Variants in CFAP46 observed in about 807,000 individuals in gnomAD.
CFAP46 encodes the protein cilia- and flagella-associated protein 46.
CFAP46 carries 245 observed loss-of-function variants against 325.7 expected under a neutral mutation model. The observed-to-expected ratio is 0.75, with a 90% confidence interval of 0.68 to 0.84. The LOEUF (loss-of-function observed/expected upper bound fraction) is 0.84. Among genes scored for constraint, CFAP46 ranks in the 40% least tolerant of loss-of-function variants. CFAP46 has a pLI of 0.00. For synonymous variants in CFAP46, 1,523 were observed against 1,495.9 expected, an observed-to-expected ratio of 1.02 and a Z score of -0.42; for missense variants, 3,346 against 3,543.0, an observed-to-expected ratio of 0.94 and a Z score of 1.41.
Position 132,810,392 on chromosome 10 carries a change from G to T in CFAP46, c.7664+17C>A, listed in dbSNP as rs2134742275. 6.2e-7 allele frequency: 1 copy of T among 1,612,020 alleles called. No individual in the cohort carries two copies. The highest frequency in any genetic ancestry group is 1.1e-5 in the South Asian group (1 of 91,068). On this transcript the variant is annotated intron_variant, in intron 57 of 57. Transcript: ENST00000368586. ...AGGGTGCTGAAGGCCGCGGGGTGCAGGCCGCCCCTCCCTTACCTTGGTTCA... is the reference window on the plus strand; with the variant it reads ...AGGGTGCTGAAGGCCGCGGGGTGCATGCCGCCCCTCCCTTACCTTGGTTCA...
At chr10:132,938,487 T>C (rs1344013662) in intron 5 of CFAP46, 102 bp downstream of exon 5, 51 of 1,123,088 alleles carry the variant, frequency 4.5e-5, no homozygotes, top group Non-Finnish European at 5.4e-5. Context: ...TGTGCCCCAG[T>C]GATGTGGAAC....
Position 132,833,457 on chromosome 10 carries a change from G to A in CFAP46, c.7018C>T (p.Leu2340=). The A allele has an allele frequency of 6.2e-7, 1 of 1,614,180 alleles. No homozygotes were observed. The highest frequency in any genetic ancestry group is 8.5e-7 in the Non-Finnish European group (1 of 1,180,038). Residue 2340 remains leucine (L), a synonymous_variant, in exon 50 of 58, where the codon CTG becomes TTG. Coordinates refer to ENST00000368586, the MANE Select transcript of CFAP46 (RefSeq NM_001200049.3). The part of the protein sequence containing the change: ...VADRHLLELP[L]EGLSVFDEGT... ...TCATCGAACACAGAGAGACCTTCCA[G>A]TGGCAGCTCCAGGAGATGTCTGTCT...
In CFAP46 at chr10:132,832,055, G is replaced by T. The variant is rs1848155276; in HGVS notation, c.7117+1303C>A. ...TTCCCTCCCTCTCATCTTTTGTGCTGTCGTCATTCATTTCACATTTATGTT... is the reference window on the plus strand; with the variant it reads ...TTCCCTCCCTCTCATCTTTTGTGCTTTCGTCATTCATTTCACATTTATGTT... On this transcript the variant is annotated intron_variant, in intron 50 of 57. Transcript: ENST00000368586. The surrounding 1 kb of genome is among the most constrained non-coding windows in gnomAD (Gnocchi z 4.1). 6.6e-6 allele frequency among the ~76,000 whole-genome samples: 1 copy of T among 151,920 alleles called. No individual in the cohort carries two copies.
Position 132,942,048 on chromosome 10 carries a change from A to T in CFAP46, c.106T>A (p.Ser36Thr). Residue 36 changes from serine (S) to threonine (T), a missense_variant, in exon 2 of 58, where the codon TCG becomes ACG. Physicochemically the swap from Ser to Thr is moderately conservative, Grantham distance 58 (BLOSUM62 1). Transcript: ENST00000368586. ...ELIKSANLGK[S>T]EFDPSESFSP... ...AAGCTCTCTGAGGGGTCAAACTCCG[A>T]TTTCCCTAGGTTGGCCGATTTGATC... 1 of 1,551,672 alleles carries T rather than the reference A, an allele frequency of 6.4e-7. No homozygotes were observed. Among genetic ancestry groups the T allele is most frequent in the Non-Finnish European group, 8.7e-7 (1 of 1,146,966 alleles).
chr10:132,918,749 C>T (rs930332706), intron 15 of CFAP46, among the ~76,000 whole-genome samples: 7 of 152,134 alleles, frequency 4.6e-5, no homozygotes, highest in African/African-American at 2.4e-5. Flanking sequence ...CCAGGGCTTG[C>T]TCTTGGCCAC....
In CFAP46 at chr10:132,879,517, T is replaced by TGC; in HGVS notation, c.3912_3913dup (p.His1305ArgfsTer35). The TGC allele has an allele frequency of 1.9e-6, 3 of 1,547,354 alleles. No individual in the cohort carries two copies. The highest frequency in any genetic ancestry group is 2.6e-6 in the Non-Finnish European group (3 of 1,146,004). On this transcript the variant is annotated frameshift_variant, in exon 29 of 58. Coordinates refer to ENST00000368586, the MANE Select transcript of CFAP46 (RefSeq NM_001200049.3). LOFTEE classifies it high-confidence loss of function. Reference sequence around the variant, plus strand: ...CGACAGCACCAGGGCCAGCAGGATGTGCACGCGGGCCAGCGCCTCCAGCTG... The same window carrying TGC: ...CGACAGCACCAGGGCCAGCAGGATGTGCGCACGCGGGCCAGCGCCTCCAGCTG...
chr10:132,901,020 C>T (rs1054722632), intron 22 of CFAP46, among the ~76,000 whole-genome samples: 13 of 152,252 alleles, frequency 8.5e-5, no homozygotes, highest in African/African-American at 2.4e-4. Flanking sequence ...GTGCCTGGGC[C>T]GTTTAACCGG....
intron 38 of CFAP46, 93 bp from the exon 39 acceptor site, chr10:132,857,881 A>C: frequency 9.0e-7 from 1 of 1,109,536 alleles, no homozygotes. Context: ...ATATTTTATT[A>C]GTGCTTAAAA....
rs548689710 is a variant in CFAP46 at position 132,850,244 on chromosome 10, C to T, written c.5952G>A (p.Ser1984=). ...TTGGGATAGAAGCAGGAGCACCTAC[C>T]GAGGGGCCCGCCTCCCAGTAGCAGG... is the stretch of plus-strand genomic sequence containing the variant. ...HPTCYWEAGP[S]VGAKLSGLKS... The change falls in exon 41 of 58, where the codon TCG becomes TCA. Residue 1984 remains serine, a splice_region_variant and synonymous_variant. Transcript: ENST00000368586. The T allele has an allele frequency of 6.5e-5, 101 of 1,550,556 alleles. 1 individual carries two copies. The African/African-American group carries it at 8.8e-4, about 13-fold the overall frequency.
At chr10:132,892,450 T>C (rs1262783371) in intron 24 of CFAP46, 33 bp from the exon 25 acceptor site, 2 of 1,543,910 alleles carry the variant, frequency 1.3e-6, no homozygotes, top group Non-Finnish European at 8.8e-7. Flanking sequence ...CACGTATATT[T>C]GAAAGTTGCA....
At chr10:132,917,845 T>C (rs1229226217) in intron 16 of CFAP46, among the ~76,000 whole-genome samples, 1 of 152,092 alleles carries the variant, frequency 6.6e-6, no homozygotes, top group African/African-American at 2.4e-5. Flanking sequence ...AGCAACCCTC[T>C]GACGCTGTGG....
intron 10 of CFAP46, 21 bp downstream of exon 10, chr10:132,926,547 G>A: frequency 1.3e-6 from 2 of 1,498,224 alleles, no homozygotes; most frequent in Non-Finnish European, 9.0e-7. Flanking sequence ...CCAGGTGTAT[G>A]ACTCCTGCGT....
In CFAP46 at chr10:132,877,062, C is replaced by A; in HGVS notation, c.4213-101G>T. The A allele has an allele frequency of 8.0e-7, 1 of 1,251,574 alleles. No individual in the cohort carries two copies. The highest frequency in any genetic ancestry group is 2.5e-5 in the Admixed American group (1 of 39,444). The allele number at this position is 1,251,574 out of a possible 1,614,324, so 77.5% of individuals were successfully genotyped here. The stretch of plus-strand genomic sequence containing the variant: ...GCTGTGCAGCATTCAGGCCACAGCC[C>A]TGGGCAGCCGGCATCCTCCCCACCA... On this transcript the variant is annotated intron_variant, in intron 30 of 57. Coordinates refer to ENST00000368586, the MANE Select transcript of CFAP46 (RefSeq NM_001200049.3). This position sits in a 1 kb window ranked among gnomAD's most constrained non-coding sequence, Gnocchi z 5.7.
intron 34 of CFAP46, among the ~76,000 whole-genome samples, chr10:132,866,506 C>T (rs1241784898): frequency 6.6e-6 from 1 of 152,238 alleles, no homozygotes; most frequent in Non-Finnish European, 1.5e-5. Flanking sequence ...CCCCTTGCCC[C>T]ACCTCGTGGT....
At chr10:132,934,707 A>G (rs2135714363) in intron 8 of CFAP46, 45 bp downstream of exon 8, 1 of 1,286,788 alleles carries the variant, frequency 7.8e-7, no homozygotes, top group East Asian at 2.3e-5. Context: ...TAAATTTTGT[A>G]CAACGATTAT....
chr10:132,882,543 G>T (rs986477746), intron 27 of CFAP46, among the ~76,000 whole-genome samples: 2 of 151,956 alleles, frequency 1.3e-5, no homozygotes, highest in African/African-American at 4.8e-5. Context: ...TTGGTTTTGG[G>T]TAAGATGCTG....
Position 132,924,829 on chromosome 10 carries a change from C to A in CFAP46, c.1123G>T (p.Gly375Cys). The A allele has an allele frequency of 6.9e-7, 1 of 1,452,838 alleles. No individual in the cohort carries two copies. The highest frequency in any genetic ancestry group is 9.1e-7 in the Non-Finnish European group (1 of 1,097,174). 90.0% of individuals were successfully genotyped at this position (1,452,838 alleles called of 1,614,324 possible). A position where few individuals can be genotyped will look rare whatever the true frequency, so the allele number is the denominator to read the frequency against. Residue 375 changes from glycine to cysteine, a missense_variant, in exon 11 of 58, where the codon GGC becomes TGC. By Grantham distance (159) the Gly-to-Cys change is radical. Coordinates refer to ENST00000368586, the MANE Select transcript of CFAP46 (RefSeq NM_001200049.3). Reference protein sequence around the residue: ...DVALQRAVRLGDPRVIHVVCA... With the variant: ...DVALQRAVRLCDPRVIHVVCA... Reference sequence around the variant, plus strand: ...ACCACGTGGATGACCCGGGGGTCGCCCAGGCGCACGGCTCGCTGCAGCGCG... The same window carrying A: ...ACCACGTGGATGACCCGGGGGTCGCACAGGCGCACGGCTCGCTGCAGCGCG...
chr10:132,812,647 C>T (rs1430583489), intron 55 of CFAP46, 138 bp downstream of exon 55: 3 of 615,332 alleles, frequency 4.9e-6, no homozygotes, highest in Non-Finnish European at 8.6e-6. Context: ...CCTGCAGTCA[C>T]AGAGGGTGGG....
At chr10:132,823,390 ATGTGTGCTGTG>A (rs1244778323) in intron 50 of CFAP46, among the ~76,000 whole-genome samples, 6 of 82,014 alleles carry the variant, frequency 7.3e-5, no homozygotes, top group Admixed American at 1.5e-4. Context: ...GTGTGCACTG[ATGTGTGCTGTG>A]TGTGTGCTGT....
Sources: allele counts gnomAD v4.1 joint callset (sites outside exome capture counted in the v4.1 genomes callset), GRCh38; gene constraint gnomAD v4.1.1; non-coding constraint Gnocchi (gnomAD v3.1); transcripts MANE v1.5; gene names NCBI Gene and HGNC (gene_info 2026-07-23, HGNC 2026-07-21).